The following KLF12 variants were observed in gnomAD, a reference collection of about 807,000 sequenced individuals.
KLF12 encodes Krueppel-like factor 12.
Under a neutral mutation model 37.8 loss-of-function variants are expected in KLF12, and 9 were observed. The ratio of observed to expected loss-of-function variants is 0.24; its 90% CI spans 0.14 to 0.42. The LOEUF is 0.42. Ranked by LOEUF, KLF12 falls within the 10% of genes least tolerant of loss-of-function variation. The probability of loss-of-function intolerance (pLI) is 1.00; values close to 1 mark genes in which losing one functional copy is unlikely to be tolerated. For missense variants in KLF12, 411 were observed against 516.0 expected (o/e 0.80, Z 1.97); for synonymous variants, 208 against 202.1 (o/e 1.03, Z -0.25).
At chr13:74,124,029 C>T (rs1877794468) in intron 1 of KLF12, among the ~76,000 whole-genome samples, 1 of 152,182 alleles carries the variant, frequency 6.6e-6, no homozygotes, top group Non-Finnish European at 1.5e-5. Context: ...TTAGCCCATA[C>T]TTATCAAGTA....
intron 3 of KLF12, among the ~76,000 whole-genome samples, chr13:73,881,036 A>T (rs1886955188): frequency 6.6e-6 from 1 of 152,212 alleles, no homozygotes; most frequent in Non-Finnish European, 1.5e-5. Context: ...ACAATCATTA[A>T]TGCCCAAACA....
chr13:73,823,889 T>C (rs1883680545), intron 4 of KLF12, among the ~76,000 whole-genome samples: 1 of 152,120 alleles, frequency 6.6e-6, no homozygotes, highest in Admixed American at 6.5e-5. Context: ...TTAGTATTTT[T>C]AGTAGAGACA....
chr13:74,088,699 T>C (rs1243917656), intron 1 of KLF12, among the ~76,000 whole-genome samples: 1 of 152,238 alleles, frequency 6.6e-6, no homozygotes, highest in Non-Finnish European at 1.5e-5. Flanking sequence ...TCTGCCATTA[T>C]ACAGATCTGC....
chr13:73,916,813 A>G (rs1888872399), intron 3 of KLF12, among the ~76,000 whole-genome samples: 1 of 152,194 alleles, frequency 6.6e-6, no homozygotes, highest in South Asian at 2.1e-4. Context: ...GAAATGGGAG[A>G]TGAGGAATTG....
chr13:74,166,733 T>C, the KLF12 span, among the ~76,000 whole-genome samples: 4 of 152,202 alleles, frequency 2.6e-5, no homozygotes, highest in African/African-American at 9.7e-5. Flanking sequence ...CCTCTACTTG[T>C]TCTAATATTA....
intron 5 of KLF12, among the ~76,000 whole-genome samples, chr13:73,777,972 G>T (rs1215018118): frequency 6.6e-6 from 1 of 151,158 alleles, no homozygotes; most frequent in Non-Finnish European, 1.5e-5. Flanking sequence ...TCTCTACCAA[G>T]AATACAAAAC....
chr13:73,867,424 A>G (rs1199341910), intron 3 of KLF12, among the ~76,000 whole-genome samples: 1 of 151,964 alleles, frequency 6.6e-6, no homozygotes, highest in East Asian at 1.9e-4. Context: ...GTATATATAT[A>G]TATATACACA....
At chr13:74,303,626 G>A in the KLF12 span, among the ~76,000 whole-genome samples, 107 of 152,232 alleles carry the variant, frequency 7.0e-4, 2 homozygotes, top group East Asian at 1.9e-3. Flanking sequence ...AAAACGGAAT[G>A]ACTTTTACTG....
At chr13:73,715,605 C>T in intron 6 of KLF12, 80 bp from the exon 7 acceptor site, 1 of 1,373,382 alleles carries the variant, frequency 7.3e-7, no homozygotes, top group Non-Finnish European at 1.0e-6. Flanking sequence ...AACATTGTCT[C>T]AGACACTACA....
intron 1 of KLF12, among the ~76,000 whole-genome samples, chr13:74,133,077 C>T (rs1159829355): frequency 6.6e-6 from 1 of 152,200 alleles, no homozygotes; most frequent in East Asian, 1.9e-4. Context: ...TAACAGCCAC[C>T]GGCCAGCCCC....
chr13:74,249,817 C>T, the KLF12 span, among the ~76,000 whole-genome samples: 2 of 152,076 alleles, frequency 1.3e-5, no homozygotes, highest in African/African-American at 4.8e-5. Flanking sequence ...GGCGTTTCTT[C>T]AGTTAGTCCC....
At chr13:73,797,456 T>C (rs953195245) in intron 5 of KLF12, among the ~76,000 whole-genome samples, 1 of 152,194 alleles carries the variant, frequency 6.6e-6, no homozygotes, top group Non-Finnish European at 1.5e-5. Flanking sequence ...CAAGACAGAA[T>C]GCAGTAAAGA....
chr13:73,997,387 T>G (rs1892150750), intron 1 of KLF12, among the ~76,000 whole-genome samples: 1 of 152,216 alleles, frequency 6.6e-6, no homozygotes, highest in South Asian at 2.1e-4. Context: ...GTAATGTTTA[T>G]ACAGCAATCT....
chr13:73,763,831 C>T (rs371120946), intron 6 of KLF12, among the ~76,000 whole-genome samples: 56 of 152,064 alleles, frequency 3.7e-4, no homozygotes, highest in African/African-American at 1.2e-3. Context: ...TGGTAAGAGA[C>T]GAGGAAGGAT....
the KLF12 span, among the ~76,000 whole-genome samples, chr13:74,219,781 T>C: frequency 2.6e-5 from 4 of 152,340 alleles, no homozygotes; most frequent in East Asian, 5.8e-4. Flanking sequence ...ATTGCTGGTG[T>C]TGAGGAGTCA....
At chr13:74,237,378 T>A in the KLF12 span, among the ~76,000 whole-genome samples, 1 of 144,540 alleles carries the variant, frequency 6.9e-6, no homozygotes, top group African/African-American at 2.9e-5. Flanking sequence ...GGTAGTGTGA[T>A]GCCTCCAGCT....
chr13:74,096,132 C>T (rs1875972304), intron 1 of KLF12, among the ~76,000 whole-genome samples: 1 of 152,170 alleles, frequency 6.6e-6, no homozygotes. Flanking sequence ...TGAAGATTCT[C>T]CTCTTTCCCT....
chr13:74,275,863 T>C, the KLF12 span, among the ~76,000 whole-genome samples: 1 of 114,736 alleles, frequency 8.7e-6, no homozygotes, highest in Admixed American at 9.4e-5. Flanking sequence ...TCTTTCTTTC[T>C]TTCTATCTTT....
At chr13:74,063,651 C>G (rs150139477) in intron 1 of KLF12, among the ~76,000 whole-genome samples, 1 of 152,072 alleles carries the variant, frequency 6.6e-6, no homozygotes, top group African/African-American at 2.4e-5. Flanking sequence ...CCTTTAAAGG[C>G]AATGTCCTGT....
Sources: gnomAD v4.1 joint callset for allele counts (sites outside exome capture counted in the v4.1 genomes callset) on GRCh38, gnomAD v4.1.1 for gene constraint, MANE v1.5 for transcripts, NCBI Gene and HGNC (gene_info 2026-07-23, HGNC 2026-07-21) for gene names.